PLEKHG7: variants seen among roughly 807,000 people sequenced by gnomAD.
The protein encoded by PLEKHG7 is pleckstrin homology and RhoGEF domain containing G7, also known as pleckstrin homology domain-containing family G member 7.
In PLEKHG7, 77 loss-of-function variants were observed where a neutral mutation model predicts 85.2. The ratio of observed to expected loss-of-function variants is 0.90; its 90% CI spans 0.75 to 1.09. PLEKHG7 has a LOEUF of 1.09. PLEKHG7 is among the 50% of genes least tolerant of loss of function. The pLI is 0.00. For synonymous variants in PLEKHG7, 301 were observed against 302.4 expected (o/e 1.00, Z 0.05); for missense variants, 777 against 804.3 (o/e 0.97, Z 0.41).
intron 3 of PLEKHG7, among the ~76,000 whole-genome samples, chr12:92,718,503 G>A (rs187516575): frequency 1.1e-4 from 17 of 152,208 alleles, no homozygotes; most frequent in Non-Finnish European, 2.4e-4. Flanking sequence ...CTTAGTAGGT[G>A]TCCAATAAAT....
At chr12:92,703,312 G>A (rs548807819) in intron 1 of PLEKHG7, among the ~76,000 whole-genome samples, 180 bp downstream of exon 1, 1 of 152,310 alleles carries the variant, frequency 6.6e-6, no homozygotes, top group South Asian at 2.1e-4. Flanking sequence ...CAGTGTGGGT[G>A]GGTGTTTGCT....
rs1871264651 is a variant in PLEKHG7, at chr12:92,707,263, T to C, written c.507+125T>C. The stretch of plus-strand genomic sequence containing the variant: ...AAGGAGACAGCACAGGAAGTCACAC[T>C]GAGGGGACACATTCTCTTTAGGAAG... On this transcript the variant is annotated intron_variant, in intron 2 of 16. Coordinates refer to ENST00000344636, the MANE Select transcript of PLEKHG7 (RefSeq NM_001377329.1). The C allele has an allele frequency of 2.8e-6, 4 of 1,443,518 alleles. No homozygotes were observed. The East Asian group carries it at 9.9e-5, about 36-fold the overall frequency. 89.4% of individuals were successfully genotyped at this position (1,443,518 alleles called of 1,614,324 possible). A position where few individuals can be genotyped will look rare whatever the true frequency, so the allele number is the denominator to read the frequency against.
chr12:92,713,141 A>C (rs965166017), intron 3 of PLEKHG7, among the ~76,000 whole-genome samples: 1 of 152,304 alleles, frequency 6.6e-6, no homozygotes, highest in Admixed American at 6.5e-5. Context: ...AAAAAGATTC[A>C]CTACATAAAT....
At chr12:92,711,052 GCCAAT>G (rs1871358658) in intron 3 of PLEKHG7, among the ~76,000 whole-genome samples, 1 of 152,106 alleles carries the variant, frequency 6.6e-6, no homozygotes, top group Admixed American at 6.5e-5. Flanking sequence ...TGACCATCCA[GCCAAT>G]CCATTGGCTG....
chr12:92,769,346 TCTC>T (rs1253305362), intron 16 of PLEKHG7, among the ~76,000 whole-genome samples: 13 of 152,278 alleles, frequency 8.5e-5, no homozygotes, highest in African/African-American at 2.9e-4. Flanking sequence ...CTTGCAGAGT[TCTC>T]CTGCAGAAGC....
At chr12:92,732,061 G>A (rs1838885437) in intron 4 of PLEKHG7, among the ~76,000 whole-genome samples, 172 bp from the exon 5 acceptor site, 1 of 152,176 alleles carries the variant, frequency 6.6e-6, no homozygotes, top group Non-Finnish European at 1.5e-5. Flanking sequence ...TCATTCACTT[G>A]TCTGCAAAAA....
chr12:92,709,510 G>A (rs2136570480), intron 3 of PLEKHG7, among the ~76,000 whole-genome samples: 1 of 152,324 alleles, frequency 6.6e-6, no homozygotes, highest in South Asian at 2.1e-4. Context: ...TAATTGGTTA[G>A]AGAAGGCACC....
At chr12:92,761,678 G>GAA (rs147379257) in intron 13 of PLEKHG7, 74 bp from the exon 14 acceptor site, 2 of 1,270,516 alleles carry the variant, frequency 1.6e-6, no homozygotes, top group Admixed American at 4.2e-5. Context: ...AAGAAAGAAA[G>GAA]AAAGAAAGGG....
chr12:92,743,329 A>G (rs1482846549), intron 9 of PLEKHG7, among the ~76,000 whole-genome samples: 4 of 152,182 alleles, frequency 2.6e-5, no homozygotes, highest in Non-Finnish European at 5.9e-5. Context: ...GAGCAGCTAC[A>G]TATCATCCTC....
At chr12:92,768,279 G>C (rs1873277527) in intron 15 of PLEKHG7, among the ~76,000 whole-genome samples, 1 of 151,902 alleles carries the variant, frequency 6.6e-6, no homozygotes, top group East Asian at 1.9e-4. Flanking sequence ...ATTCAAAGAA[G>C]AGACTTTCAT....
chr12:92,728,578 G>A lies in PLEKHG7; in HGVS notation c.531-415G>A, dbSNP rs1399860277. The stretch of plus-strand genomic sequence containing the variant: ...ACCACATTCCATGGTGTGTGTATGT[G>A]TACACATACCACATTCCATGGTGTT... On this transcript the variant is annotated intron_variant, in intron 3 of 16. Coordinates refer to ENST00000344636, the MANE Select transcript of PLEKHG7 (RefSeq NM_001377329.1). Among the ~76,000 whole-genome samples the A allele has an allele frequency of 5.5e-3, 789 of 142,894 alleles. 14 individuals are homozygous for A. Among genetic ancestry groups the A allele is most frequent in the African/African-American group, 0.021 (728 of 33,876 alleles). The allele number at this position is 142,894 out of a possible 152,430, so 93.7% of individuals were successfully genotyped here. A position where few individuals can be genotyped will look rare whatever the true frequency, so the allele number is the denominator to read the frequency against.
intron 9 of PLEKHG7, among the ~76,000 whole-genome samples, chr12:92,742,983 C>T (rs1228729868): frequency 6.6e-6 from 1 of 152,006 alleles, no homozygotes; most frequent in Non-Finnish European, 1.5e-5. Flanking sequence ...ATAATAAACC[C>T]ACATATGAAT....
rs1232432756 is a variant in PLEKHG7, at chr12:92,771,963, T to C, written c.*1768T>C. 1 of 152,006 alleles carries C rather than the reference T, an allele frequency of 6.6e-6. No individual in the cohort carries two copies. Among genetic ancestry groups the C allele is most frequent in the African/African-American group, 2.4e-5 (1 of 41,438 alleles). The allele number at this position is 152,006 out of a possible 1,614,324, so 9.4% of individuals were successfully genotyped here. A position where few individuals can be genotyped will look rare whatever the true frequency, so the allele number is the denominator to read the frequency against. ...AAAGCTCACAAAGTAACATGTCTAA[T>C]ATACAATATATTAGATGTTTGAGGA... On this transcript the variant is annotated 3_prime_UTR_variant, in exon 17 of 17. Transcript: ENST00000344636.
At chr12:92,733,068 A>G (rs1207124515) in intron 5 of PLEKHG7, among the ~76,000 whole-genome samples, 1 of 152,178 alleles carries the variant, frequency 6.6e-6, no homozygotes, top group Non-Finnish European at 1.5e-5. Flanking sequence ...AGTTGCTGAC[A>G]TCTGCAGTGG....
chr12:92,712,532 A>T (rs1871384233), intron 3 of PLEKHG7, among the ~76,000 whole-genome samples: 1 of 152,228 alleles, frequency 6.6e-6, no homozygotes, highest in Non-Finnish European at 1.5e-5. Flanking sequence ...TCTTCTGCAC[A>T]GGCCAAATGG....
At chr12:92,769,224 A>C in intron 16 of PLEKHG7, 144 bp downstream of exon 16, 1 of 606,544 alleles carries the variant, frequency 1.6e-6, no homozygotes, top group East Asian at 2.9e-5. Context: ...GGGGAGGGGT[A>C]CATCTAGTCC....
chr12:92,766,883 A>G (rs2136635836), intron 15 of PLEKHG7, among the ~76,000 whole-genome samples: 1 of 152,322 alleles, frequency 6.6e-6, no homozygotes, highest in East Asian at 1.9e-4. Flanking sequence ...TCTGATTTGT[A>G]ACTACCATCT....
intron 3 of PLEKHG7, among the ~76,000 whole-genome samples, chr12:92,711,642 T>A (rs1433263443): frequency 2.0e-5 from 3 of 152,032 alleles, no homozygotes; most frequent in Non-Finnish European, 4.4e-5. Flanking sequence ...AGTAGTTATC[T>A]GCAGAAGATG....
At chr12:92,728,798 T>A (rs1345846705) in intron 3 of PLEKHG7, among the ~76,000 whole-genome samples, 195 bp from the exon 4 acceptor site, 1 of 152,130 alleles carries the variant, frequency 6.6e-6, no homozygotes, top group Non-Finnish European at 1.5e-5. Flanking sequence ...TAGTTCTATT[T>A]TTAGTTCTTT....
Sources: gnomAD v4.1 joint callset for allele counts (sites outside exome capture counted in the v4.1 genomes callset) on GRCh38, gnomAD v4.1.1 for gene constraint, MANE v1.5 for transcripts, NCBI Gene and HGNC (gene_info 2026-07-23, HGNC 2026-07-21) for gene names.